The following KNL1 variants were observed in gnomAD, a reference collection of about 807,000 sequenced individuals.
KNL1 encodes the protein kinetochore scaffold 1.
A neutral mutation model predicts 201.3 loss-of-function variants in KNL1; 66 were observed. That is an observed-to-expected ratio of 0.33 (90% CI 0.27 to 0.40). The LOEUF (loss-of-function observed/expected upper bound fraction) is 0.40. Among genes scored for constraint, KNL1 ranks in the 10% least tolerant of loss-of-function variants. KNL1 has a pLI of 1.00. For synonymous variants in KNL1, 895 were observed against 899.2 expected, an observed-to-expected ratio of 1.00 and a Z score of 0.08; for missense variants, 2,815 against 2,690.5, an observed-to-expected ratio of 1.05 and a Z score of -1.02.
rs201182330 is a variant in KNL1, at chr15:40,623,213, A to G, written c.2949A>G (p.Leu983=). 2,469 of 1,613,998 alleles carry G rather than the reference A, an allele frequency of 1.5e-3. 6 individuals carry two copies. The highest frequency in any genetic ancestry group is 1.9e-3 in the Non-Finnish European group (2,285 of 1,179,884). ...PNFELSQRKS[L]GTPTVICTPT... The stretch of plus-strand genomic sequence containing the variant: ...TTGAACTATCCCAAAGGAAAAGCCT[A>G]GGAACACCAACAGTGATATGTACTC... Residue 983 remains leucine, a synonymous_variant, in exon 10 of 26, where the codon CTA becomes CTG. Transcript: ENST00000399668.
At chr15:40,629,759 C>G (rs1032716230) in intron 13 of KNL1, among the ~76,000 whole-genome samples, 1 of 151,856 alleles carries the variant, frequency 6.6e-6, no homozygotes, top group African/African-American at 2.4e-5. Flanking sequence ...CCTCAGCCTC[C>G]CAAAGTGCTG....
chr15:40,628,689 ATTCTTT>A lies in KNL1; in HGVS notation c.5583+20_5583+25del. 1 of 1,524,006 alleles carries A rather than the reference ATTCTTT, an allele frequency of 6.6e-7. No individual in the cohort carries two copies. Among genetic ancestry groups the A allele is most frequent in the Non-Finnish European group, 9.0e-7 (1 of 1,116,832 alleles). The allele number at this position is 1,524,006 out of a possible 1,614,324, so 94.4% of individuals were successfully genotyped here. ...GAGAGCTTGAGGGAGGTATGTTAAAATTCTTTTTCTTTTTTTTATTTATAAAGAAAA... is the reference window on the plus strand; with the variant it reads ...GAGAGCTTGAGGGAGGTATGTTAAAATTCTTTTTTTTATTTATAAAGAAAA... On this transcript the variant is annotated intron_variant, in intron 12 of 25. Transcript: ENST00000399668.
rs769033254 is a variant in KNL1 at position 40,622,673 on chromosome 15, A to C, written c.2409A>C (p.Val803=). Residue 803 remains valine, a synonymous_variant, in exon 10 of 26, where the codon GTA becomes GTC. Coordinates refer to ENST00000399668, the MANE Select transcript of KNL1 (RefSeq NM_144508.5). The part of the protein sequence containing the change: ...QLTTMNRQIA[V]KVEKCGKSPI... Reference sequence around the variant, plus strand: ...CAACAATGAACAGACAGATAGCTGTAAAAGTTGAAAAATGTGGTAAAAGTC... The same window carrying C: ...CAACAATGAACAGACAGATAGCTGTCAAAGTTGAAAAATGTGGTAAAAGTC... 2 of 1,589,978 alleles carry C rather than the reference A, an allele frequency of 1.3e-6. No homozygotes were observed. Among genetic ancestry groups the C allele is most frequent in the Admixed American group, 1.8e-5 (1 of 54,876 alleles).
rs1160242562 is a variant in KNL1 at position 40,605,166 on chromosome 15, T to G, written c.75+17T>G. On this transcript the variant is annotated intron_variant, in intron 3 of 25. Transcript: ENST00000399668. ...CATTCTTCAGTAAGAAAGACTTTCT[T>G]GAATTAATAATTGTCAGCTTTTATT... is the stretch of plus-strand genomic sequence containing the variant. The G allele has an allele frequency of 7.3e-7, 1 of 1,360,736 alleles. No individual in the cohort carries two copies. The highest frequency in any genetic ancestry group is 2.3e-5 in the East Asian group (1 of 43,710). The allele number at this position is 1,360,736 out of a possible 1,614,324, so 84.3% of individuals were successfully genotyped here.
Position 40,608,835 on chromosome 15 carries a change from C to G in KNL1, c.136-12C>G, listed in dbSNP as rs1232947758. 3.2e-6 allele frequency: 5 copies of G among 1,584,646 alleles called. No homozygotes were observed. Among genetic ancestry groups the G allele is most frequent in the Non-Finnish European group, 4.3e-6 (5 of 1,155,116 alleles). On this transcript the variant is annotated splice_polypyrimidine_tract_variant and intron_variant, in intron 4 of 25. Transcript: ENST00000399668. ...TTTATTAAGAATTATACCATATATTCTCTGCCCTTAGGAATCCAATGCTTT... is the reference window on the plus strand; with the variant it reads ...TTTATTAAGAATTATACCATATATTGTCTGCCCTTAGGAATCCAATGCTTT...
intron 14 of KNL1, among the ~76,000 whole-genome samples, chr15:40,642,654 G>A (rs1893265343): frequency 6.6e-6 from 1 of 152,102 alleles, no homozygotes; most frequent in South Asian, 2.1e-4. Context: ...ATGAGACAGA[G>A]TCTCGCTCTG....
Position 40,623,839 on chromosome 15 carries a change from GA to G in KNL1, c.3579del (p.Gly1194GlufsTer26), listed in dbSNP as rs1397090015. 1.2e-6 allele frequency: 2 copies of G among 1,613,024 alleles called. No individual in the cohort carries two copies. On this transcript the variant is annotated frameshift_variant, in exon 10 of 26. Transcript: ENST00000399668. LOFTEE classifies it high-confidence loss of function. ...ILEENPKFGI[G>X]KGKNLGVSFP... is the part of the protein sequence containing the mutation. ...GAAGAAAACCCTAAATTTGGAATAG[GA>G]AAAGGAAAAAACTTGGGTGTTTCCT...
intron 23 of KNL1, 47 bp downstream of exon 23, chr15:40,657,198 C>CA (rs762360343): frequency 5.7e-6 from 7 of 1,235,000 alleles, no homozygotes; most frequent in Non-Finnish European, 8.2e-6. Context: ...GATATCTTTC[C>CA]AAAAAAAGCA....
Position 40,622,997 on chromosome 15 carries a change from G to A in KNL1, c.2733G>A (p.Gln911=), listed in dbSNP as rs1183343553. The change falls in exon 10 of 26, where the codon CAG becomes CAA. Residue 911 remains glutamine, a synonymous_variant. Transcript: ENST00000399668. ...AAACTATTTTATATACATGTAGGCAGGATGACATGGAGATCACTAGAAGTC... is the reference window on the plus strand; with the variant it reads ...AAACTATTTTATATACATGTAGGCAAGATGACATGGAGATCACTAGAAGTC... ...TSETILYTCR[Q]DDMEITRSHT... is the part of the protein sequence containing the mutation. 1 of 1,613,850 alleles carries A rather than the reference G, an allele frequency of 6.2e-7. No individual in the cohort carries two copies. The highest frequency in any genetic ancestry group is 1.3e-5 in the African/African-American group (1 of 74,914).
chr15:40,628,750 G>T, intron 12 of KNL1, 72 bp downstream of exon 12: 2 of 965,370 alleles, frequency 2.1e-6, no homozygotes, highest in South Asian at 3.4e-5. Flanking sequence ...TCTAATACAC[G>T]TAATATTCTT....
In KNL1 at chr15:40,620,911, A is replaced by G. The variant is rs751291567; in HGVS notation, c.647A>G (p.Asn216Ser). The G allele has an allele frequency of 7.5e-6, 12 of 1,598,966 alleles. No individual in the cohort carries two copies. The highest frequency in any genetic ancestry group is 1.8e-5 in the Admixed American group (1 of 54,712). ...TCTTCAGAAAATAAAATAGATTTCAATGACTTCATAAAAAGATTGAAAACA... is the reference window on the plus strand; with the variant it reads ...TCTTCAGAAAATAAAATAGATTTCAGTGACTTCATAAAAAGATTGAAAACA... ...NTSSENKIDF[N>S]DFIKRLKTGK... The change falls in exon 10 of 26, where the codon AAT becomes AGT. Residue 216 changes from asparagine (N) to serine (S), a missense_variant. By Grantham distance (46) the Asn-to-Ser change is conservative. Around this residue, in one of 3 missense-constraint regions of KNL1, gnomAD observed 2,464 missense variants for 2,291.7 expected, o/e 1.08. Coordinates refer to ENST00000399668, the MANE Select transcript of KNL1 (RefSeq NM_144508.5).
intron 7 of KNL1, among the ~76,000 whole-genome samples, chr15:40,614,204 TCTC>T (rs1892269229): frequency 6.6e-6 from 1 of 151,610 alleles, no homozygotes; most frequent in African/African-American, 2.4e-5. Flanking sequence ...TTCAAGCAAT[TCTC>T]CTGCCTCAGC....
intron 13 of KNL1, among the ~76,000 whole-genome samples, chr15:40,636,025 A>G (rs879674361): frequency 2.0e-5 from 3 of 151,952 alleles, no homozygotes; most frequent in Admixed American, 1.3e-4. Flanking sequence ...TTTAGTAGAC[A>G]TGGGATTTCG....
intron 21 of KNL1, among the ~76,000 whole-genome samples, chr15:40,652,455 C>CTTTTTT (rs35374662): frequency 2.5e-5 from 3 of 120,066 alleles, no homozygotes; most frequent in Non-Finnish European, 3.7e-5. Context: ...GCTGGAGATT[C>CTTTTTT]TTTTTTTTTT....
chr15:40,620,603 T>G, intron 9 of KNL1, 37 bp from the exon 10 acceptor site: 1 of 1,395,228 alleles, frequency 7.2e-7, no homozygotes, highest in Non-Finnish European at 9.7e-7. Context: ...AAAAGTTTGC[T>G]TTTGTTCTGA....
intron 24 of KNL1, among the ~76,000 whole-genome samples, 159 bp from the exon 25 acceptor site, chr15:40,659,180 G>A (rs913065247): frequency 1.3e-5 from 2 of 149,410 alleles, no homozygotes; most frequent in South Asian, 2.1e-4. Flanking sequence ...TGGGAGAATC[G>A]ATAGAACTTG....
At chr15:40,628,359 A>G in intron 11 of KNL1, 151 bp downstream of exon 11, 1 of 816,644 alleles carries the variant, frequency 1.2e-6, no homozygotes, top group South Asian at 2.3e-5. Flanking sequence ...GTTTATTTTT[A>G]ATTCTTAGTT....
In KNL1 at chr15:40,645,643, CT is replaced by C; in HGVS notation, c.5890-10del. Reference sequence around the variant, plus strand: ...TGTTTTAGTACAGTGTTCTCTATAACTTTCCCTTCCAGCTGAAGGCCTTTGG... The same window carrying C: ...TGTTTTAGTACAGTGTTCTCTATAACTTCCCTTCCAGCTGAAGGCCTTTGG... On this transcript the variant is annotated splice_polypyrimidine_tract_variant and intron_variant, in intron 15 of 25. Coordinates refer to ENST00000399668, the MANE Select transcript of KNL1 (RefSeq NM_144508.5). 6.8e-7 allele frequency: 1 copy of C among 1,473,792 alleles called. No individual in the cohort carries two copies. Among genetic ancestry groups the C allele is most frequent in the Non-Finnish European group, 9.4e-7 (1 of 1,062,694 alleles). The allele number at this position is 1,473,792 out of a possible 1,614,324, so 91.3% of individuals were successfully genotyped here.
intron 13 of KNL1, among the ~76,000 whole-genome samples, chr15:40,630,130 A>G (rs1487992768): frequency 5.4e-4 from 83 of 152,308 alleles, no homozygotes. Context: ...GTTTGAGGCC[A>G]GCCTGGGCAA....
Sources: gnomAD v4.1 joint callset for allele counts (sites outside exome capture counted in the v4.1 genomes callset) on GRCh38, gnomAD v4.1.1 for gene constraint, gnomAD v4.1.1 regional missense constraint, MANE v1.5 for transcripts, NCBI Gene and HGNC (gene_info 2026-07-23, HGNC 2026-07-21) for gene names.